Variants in RABGEF1 observed in about 807,000 individuals in gnomAD.
The protein encoded by RABGEF1 is rab5 GDP/GTP exchange factor.
In RABGEF1, 26 loss-of-function variants were observed where a neutral mutation model predicts 57.3. The ratio of observed to expected loss-of-function variants is 0.45; its 90% CI spans 0.33 to 0.63. RABGEF1 has a LOEUF of 0.63. Ranked by LOEUF, RABGEF1 falls within the 20% of genes least tolerant of loss-of-function variation. RABGEF1 has a pLI of 0.02. For synonymous variants in RABGEF1, 185 were observed against 210.7 expected, an observed-to-expected ratio of 0.88 and a Z score of 1.06; for missense variants, 464 against 607.6, an observed-to-expected ratio of 0.76 and a Z score of 2.48.
intron 1 of RABGEF1, among the ~76,000 whole-genome samples, chr7:66,742,468 T>C (rs1799209077): frequency 6.6e-6 from 1 of 152,138 alleles, no homozygotes; most frequent in Non-Finnish European, 1.5e-5. Flanking sequence ...GGCCATGCTG[T>C]TGGGTGTGGA....
intron 1 of RABGEF1, among the ~76,000 whole-genome samples, chr7:66,701,244 A>G (rs1793214150): frequency 6.6e-6 from 1 of 152,152 alleles, no homozygotes; most frequent in African/African-American, 2.4e-5. Flanking sequence ...CAGGCCTGTA[A>G]TCTCCACGCT....
chr7:66,790,166 A>C (rs1812290069), intron 4 of RABGEF1, among the ~76,000 whole-genome samples: 1 of 152,226 alleles, frequency 6.6e-6, no homozygotes, highest in Non-Finnish European at 1.5e-5. Flanking sequence ...GTTTTGGAGA[A>C]GGCAACACAG....
Position 66,772,034 on chromosome 7 carries a change from A to G in RABGEF1, c.135A>G (p.Lys45=), listed in dbSNP as rs755802897. ...AGTGCTGGAGGGAAGAGTACCACAA[A>G]GCCAGGCAGAAGCAGATTCAGGAGG... The part of the protein sequence containing the change: ...CSKCWREEYH[K]ARQKQIQEDW... The change falls in exon 2 of 9, where the codon AAA becomes AAG. Residue 45 remains lysine (K), a synonymous_variant. Transcript: ENST00000284957. 3 of 1,583,748 alleles carry G rather than the reference A, an allele frequency of 1.9e-6. No homozygotes were observed. Among genetic ancestry groups the G allele is most frequent in the Non-Finnish European group, 2.6e-6 (3 of 1,166,138 alleles).
rs575448227 is a variant in RABGEF1 at position 66,686,113 on chromosome 7, C to T, written c.-873+3855C>T. On this transcript the variant is annotated intron_variant and NMD_transcript_variant, in intron 1 of 9. Transcript: ENST00000607882. Reference sequence around the variant, plus strand: ...GGATCAAGACTGCGAAACCCCGTCTCTACTAAAATACAGAAAACTTAGCCA... The same window carrying T: ...GGATCAAGACTGCGAAACCCCGTCTTTACTAAAATACAGAAAACTTAGCCA... Among the ~76,000 whole-genome samples the T allele has an allele frequency of 5.3e-5, 8 of 152,168 alleles. No individual in the cohort carries two copies. The South Asian group carries it at 1.5e-3, about 28-fold the overall frequency.
intron 2 of RABGEF1, among the ~76,000 whole-genome samples, chr7:66,735,597 G>C (rs546792718): frequency 3.3e-5 from 5 of 151,328 alleles, no homozygotes; most frequent in South Asian, 2.1e-4. Flanking sequence ...GGATCATTGT[G>C]GGGGGGGTTT....
chr7:66,691,610 A>G (rs960912380), intron 1 of RABGEF1, among the ~76,000 whole-genome samples: 2 of 152,236 alleles, frequency 1.3e-5, no homozygotes, highest in African/African-American at 4.8e-5. Context: ...CTGTACTTCA[A>G]GTACCCATAA....
At chr7:66,771,229 C>T (rs1407589468) in intron 1 of RABGEF1, among the ~76,000 whole-genome samples, 2 of 152,174 alleles carry the variant, frequency 1.3e-5, no homozygotes, top group African/African-American at 4.8e-5. Flanking sequence ...GGCTCTGCCT[C>T]CCAGGTTCAC....
chr7:66,675,048 A>G, the RABGEF1 span, among the ~76,000 whole-genome samples: 2 of 152,164 alleles, frequency 1.3e-5, no homozygotes, highest in Non-Finnish European at 2.9e-5. Flanking sequence ...ATAGTTGCCT[A>G]CTGATAACAA....
In RABGEF1 at chr7:66,783,836, A is replaced by G; in HGVS notation, c.508A>G (p.Lys170Glu). ...GCTGTTTTTGGAAGGAATGCATTACAAAAGGGTAGGTTGAGAATAACCACG... is the reference window on the plus strand; with the variant it reads ...GCTGTTTTTGGAAGGAATGCATTACGAAAGGGTAGGTTGAGAATAACCACG... The part of the protein sequence containing the change: ...TKLFLEGMHY[K>E]RDLSIEEQSE... Residue 170 changes from lysine (K) to glutamate (E), a missense_variant, in exon 4 of 9, where the codon AAA becomes GAA. This residue lies in a region of RABGEF1 where 284 missense variants were observed against 389.9 expected (regional missense o/e 0.73). Coordinates refer to ENST00000284957, the MANE Select transcript of RABGEF1 (RefSeq NM_014504.3). The G allele has an allele frequency of 6.2e-7, 1 of 1,612,318 alleles. No homozygotes were observed. Among genetic ancestry groups the G allele is most frequent in the Non-Finnish European group, 8.5e-7 (1 of 1,178,934 alleles).
rs1790386840 is a variant in RABGEF1, at chr7:66,685,030, G to C, written c.-873+2772G>C. On this transcript the variant is annotated intron_variant and NMD_transcript_variant, in intron 1 of 9. Coordinates refer to the RABGEF1 transcript ENST00000607882. Reference sequence around the variant, plus strand: ...TTCTCTAGCCTTGGACTCCCAAAGTGTTGGGATTACAAACATGAGCCACTG... The same window carrying C: ...TTCTCTAGCCTTGGACTCCCAAAGTCTTGGGATTACAAACATGAGCCACTG... 1.3e-5 allele frequency among the ~76,000 whole-genome samples: 2 copies of C among 151,908 alleles called. 1 individual carries two copies. The highest frequency in any genetic ancestry group is 4.1e-4 in the South Asian group (2 of 4,822).
intron 1 of RABGEF1, among the ~76,000 whole-genome samples, chr7:66,751,059 C>A (rs1255005844): frequency 7.0e-6 from 1 of 143,148 alleles, no homozygotes; most frequent in East Asian, 2.0e-4. Context: ...GACGGAGTCT[C>A]TCACATTGTC....
chr7:66,691,873 G>C (rs1791564146), intron 1 of RABGEF1, among the ~76,000 whole-genome samples: 1 of 151,830 alleles, frequency 6.6e-6, no homozygotes, highest in Non-Finnish European at 1.5e-5. Flanking sequence ...GAGCAATGTA[G>C]CAAGATCCCA....
At position 66,811,151 on chromosome 7, in the gene RABGEF1, C is replaced by T. The variant is rs1789393324; in HGVS notation, c.*1867C>T. 6.7e-6 allele frequency: 1 copy of T among 149,866 alleles called. No individual in the cohort carries two copies. Among genetic ancestry groups the T allele is most frequent in the Admixed American group, 6.6e-5 (1 of 15,070 alleles). 9.3% of individuals were successfully genotyped at this position (149,866 alleles called of 1,614,324 possible). ...ATACACAGTTCGTTTAGTTACTGTA[C>T]ACTCTGTTTGTTCAATAAACTGCAT... is the stretch of plus-strand genomic sequence containing the variant. On this transcript the variant is annotated 3_prime_UTR_variant, in exon 9 of 9. Transcript: ENST00000284957.
chr7:66,683,609 G>A (rs1790126561), intron 1 of RABGEF1, among the ~76,000 whole-genome samples: 1 of 152,154 alleles, frequency 6.6e-6, no homozygotes, highest in African/African-American at 2.4e-5. Context: ...GAGCCTGGAA[G>A]GGATCGGGGA....
intron 1 of RABGEF1, chr7:66,756,127 T>C (rs1802652192): frequency 2.6e-6 from 3 of 1,165,620 alleles, no homozygotes; most frequent in Non-Finnish European, 3.5e-6. Flanking sequence ...CAAAAGAAAA[T>C]AGTAATGACA....
upstream of RABGEF1, among the ~76,000 whole-genome samples, chr7:66,739,304 A>G (rs1798445507): frequency 6.6e-6 from 1 of 151,934 alleles, no homozygotes; most frequent in African/African-American, 2.4e-5. Context: ...TTAGGCACTT[A>G]GGAAGAATCT....
intron 3 of RABGEF1, among the ~76,000 whole-genome samples, chr7:66,777,668 C>G (rs1021352897): frequency 1.3e-5 from 2 of 152,038 alleles, no homozygotes; most frequent in African/African-American, 4.8e-5. Context: ...TTCTACCTAC[C>G]TATAATCCCA....
At chr7:66,695,870 G>A (rs1218646325) in intron 1 of RABGEF1, among the ~76,000 whole-genome samples, 5 of 151,904 alleles carry the variant, frequency 3.3e-5, no homozygotes, top group African/African-American at 1.2e-4. Flanking sequence ...GGAGGCTGAC[G>A]CAGGAGTATC....
the RABGEF1 span, among the ~76,000 whole-genome samples, chr7:66,668,154 G>A: frequency 2.6e-5 from 4 of 152,078 alleles, no homozygotes; most frequent in Non-Finnish European, 5.9e-5. Context: ...CTGGAGTACA[G>A]TGGTGCAAAT....
Sources: gnomAD v4.1 joint callset for allele counts (sites outside exome capture counted in the v4.1 genomes callset) on GRCh38, gnomAD v4.1.1 for gene constraint, gnomAD v4.1.1 regional missense constraint, MANE v1.5 for transcripts, NCBI Gene and HGNC (gene_info 2026-07-23, HGNC 2026-07-21) for gene names.